The following HCFC1 variants were observed in gnomAD, a reference collection of about 807,000 sequenced individuals.
HCFC1 encodes the protein host cell factor C1.
In HCFC1, 7 loss-of-function variants were observed where a neutral mutation model predicts 105.5. The observed-to-expected ratio is 0.07, with a 90% CI of 0.04 to 0.12. HCFC1 has a LOEUF of 0.12. Among genes scored for constraint, HCFC1 ranks in the 10% least tolerant of loss-of-function variants. The probability of loss-of-function intolerance (pLI) is 1.00; values close to 1 mark genes in which losing one functional copy is unlikely to be tolerated. For synonymous variants in HCFC1, 918 were observed against 828.1 expected (o/e 1.11, Z -1.86); for missense variants, 1,065 against 1,823.6 (o/e 0.58, Z 7.58).
chrX:153,963,315 A>G lies in HCFC1; in HGVS notation c.622T>C (p.Tyr208His). 5.0e-6 allele frequency: 6 copies of G among 1,209,781 alleles called. No homozygotes were observed. The highest frequency in any genetic ancestry group is 1.1e-6 in the Non-Finnish European group (1 of 893,565). ...GACTTCTTATTGTCTTTTTCGGTGTAGACCACGGCAGTATGTGACTCCCGG... is the reference window on the plus strand; with the variant it reads ...GACTTCTTATTGTCTTTTTCGGTGTGGACCACGGCAGTATGTGACTCCCGG... ...PPRESHTAVV[Y>H]TEKDNKKSKL... is the part of the protein sequence containing the mutation. The change falls in exon 4 of 26, where the codon TAC (tyrosine) becomes CAC (histidine). Residue 208 changes from tyrosine to histidine, a missense_variant. By Grantham distance (83) the Tyr-to-His change is moderately conservative (BLOSUM62 2). Transcript: ENST00000310441.
At position 153,949,586 on chromosome X, in the gene HCFC1, G is replaced by C; in HGVS notation, c.6035C>G (p.Pro2012Arg). ...ETSKDSSGTK[P>R]ANKRPMSSPE... Reference sequence around the variant, plus strand: ...AGAGGACATGGGCCGCTTGTTGGCTGGCTTGGTGCCAGAGCTGTCTTTACT... The same window carrying C: ...AGAGGACATGGGCCGCTTGTTGGCTCGCTTGGTGCCAGAGCTGTCTTTACT... The change falls in exon 25 of 26, where the codon CCA (proline) becomes CGA (arginine). Residue 2012 changes from proline to arginine, a missense_variant. By Grantham distance (103) the Pro-to-Arg change is moderately radical. This residue lies in a region of HCFC1 where 18 missense variants were observed against 28.8 expected (regional missense o/e 0.62). Coordinates refer to ENST00000310441, the MANE Select transcript of HCFC1 (RefSeq NM_005334.3). 8.3e-7 allele frequency: 1 copy of C among 1,211,150 alleles called. No homozygotes were observed. Among genetic ancestry groups the C allele is most frequent in the Non-Finnish European group, 1.1e-6 (1 of 894,792 alleles).
Position 153,948,165 on chromosome X carries a change from G to C in HCFC1, c.*1182C>G, listed in dbSNP as rs1557111438. The C allele has an allele frequency of 8.9e-6, 1 of 112,383 alleles. No homozygotes were observed. The highest frequency in any genetic ancestry group is 3.2e-5 in the African/African-American group (1 of 30,892). 9.3% of individuals were successfully genotyped at this position (112,383 alleles called of 1,213,427 possible). A position where few individuals can be genotyped will look rare whatever the true frequency, so the allele number is the denominator to read the frequency against. The stretch of plus-strand genomic sequence containing the variant: ...AACCAGCAGCCCTGTTTGGGAGGCG[G>C]TGCCGGTGGTGCTCAGGGAGGGGGC... On this transcript the variant is annotated 3_prime_UTR_variant, in exon 26 of 26. Transcript: ENST00000310441.
rs1557113064 is a variant in HCFC1, at chrX:153,952,899, A to G, written c.4557T>C (p.Leu1519=). The part of the protein sequence containing the change: ...GPRQQLPPRQ[L]LQSASTALMG... ...TCAGGGCTGTGGAAGCCGACTGCAGAAGCTGCCGTGGCGGCAGCTGCTGGC... is the reference window on the plus strand; with the variant it reads ...TCAGGGCTGTGGAAGCCGACTGCAGGAGCTGCCGTGGCGGCAGCTGCTGGC... The change falls in exon 19 of 26, where the codon CTT becomes CTC. Residue 1519 remains leucine (L), a synonymous_variant. Coordinates refer to ENST00000310441, the MANE Select transcript of HCFC1 (RefSeq NM_005334.3). 2.5e-6 allele frequency: 3 copies of G among 1,181,629 alleles called. No homozygotes were observed. The highest frequency in any genetic ancestry group is 3.4e-6 in the Non-Finnish European group (3 of 881,186).
chrX:153,968,586 A>G (rs1245489964), intron 1 of HCFC1, among the ~76,000 whole-genome samples: 1 of 112,468 alleles, frequency 8.9e-6, no homozygotes, highest in African/African-American at 3.2e-5. Flanking sequence ...AGCCCTTTGG[A>G]AGGCAGGCTA....
In HCFC1 at chrX:153,950,424, G is replaced by A. The variant is rs1000069168; in HGVS notation, c.5823C>T (p.Ser1941=). 2 of 1,208,137 alleles carry A rather than the reference G, an allele frequency of 1.7e-6. No individual in the cohort carries two copies. The highest frequency in any genetic ancestry group is 1.7e-5 in the African/African-American group (1 of 57,432). ...GCATGAAGGCCAGCTGGGCCGGGGT[G>A]GAGCTCTTGAGCTCGCCCCCAGCCT... is the stretch of plus-strand genomic sequence containing the variant. The part of the protein sequence containing the change: ...SSQAGGELKS[S]TPAQLAFMRV... Residue 1941 remains serine, a synonymous_variant, in exon 24 of 26, where the codon TCC becomes TCT. Coordinates refer to ENST00000310441, the MANE Select transcript of HCFC1 (RefSeq NM_005334.3).
intron 18 of HCFC1, 73 bp from the exon 19 acceptor site, chrX:153,953,031 C>T (rs1311484359): frequency 1.0e-5 from 9 of 885,706 alleles, no homozygotes; most frequent in African/African-American, 9.9e-5. Context: ...TTATTTTGGC[C>T]GGGATGGGGA....
In HCFC1 at chrX:153,954,257, G is replaced by A. The variant is rs782444900; in HGVS notation, c.4142C>T (p.Thr1381Ile). The A allele has an allele frequency of 7.5e-6, 9 of 1,203,718 alleles. No homozygotes were observed. In the African/African-American group the frequency reaches 1.2e-4, roughly 16 times the overall value. ...AGACTCCACGGTCCTGTGGGAAGAAGTGGCGTCGGGAAGCAGGGCACCCAC... is the reference window on the plus strand; with the variant it reads ...AGACTCCACGGTCCTGTGGGAAGAAATGGCGTCGGGAAGCAGGGCACCCAC... ...VSVGALLPDA[T>I]SSHRTVESGL... Residue 1381 changes from threonine (T) to isoleucine (I), a missense_variant, in exon 17 of 26, where the codon ACT (threonine) becomes ATT (isoleucine). Transcript: ENST00000310441.
Position 153,954,704 on chromosome X carries a change from C to T in HCFC1, c.3695G>A (p.Arg1232His), listed in dbSNP as rs201578135. The change falls in exon 17 of 26, where the codon CGC (arginine) becomes CAC (histidine). Residue 1232 changes from arginine to histidine, a missense_variant. By Grantham distance (29) the Arg-to-His change is conservative (BLOSUM62 0). This residue lies in a region of HCFC1 where 546 missense variants were observed against 599.9 expected (regional missense o/e 0.91). Coordinates refer to ENST00000310441, the MANE Select transcript of HCFC1 (RefSeq NM_005334.3). The stretch of plus-strand genomic sequence containing the variant: ...AGCGGTGCTGACCGCATGGCTGTGG[C>T]GCCCCGCAGGAAGGTCCTTAATGCT... The part of the protein sequence containing the change: ...SPSIKDLPAG[R>H]HSHAVSTAAM... 3.3e-5 allele frequency: 40 copies of T among 1,194,780 alleles called. No individual in the cohort carries two copies. The African/African-American group carries it at 5.4e-4, about 16-fold the overall frequency.
In HCFC1 at chrX:153,954,700, G is replaced by A. The variant is rs782515282; in HGVS notation, c.3699C>T (p.His1233=). 4 of 1,198,708 alleles carry A rather than the reference G, an allele frequency of 3.3e-6. No individual in the cohort carries two copies. Among genetic ancestry groups the A allele is most frequent in the Admixed American group, 2.3e-5 (1 of 43,914 alleles). The change falls in exon 17 of 26, where the codon CAC becomes CAT. Residue 1233 remains histidine, a synonymous_variant. Coordinates refer to ENST00000310441, the MANE Select transcript of HCFC1 (RefSeq NM_005334.3). The part of the protein sequence containing the change: ...PSIKDLPAGR[H]SHAVSTAAMT... ...TGGCAGCGGTGCTGACCGCATGGCT[G>A]TGGCGCCCCGCAGGAAGGTCCTTAA...
intron 5 of HCFC1, 70 bp from the exon 6 acceptor site, chrX:153,961,718 C>A: frequency 2.6e-6 from 2 of 782,103 alleles, no homozygotes; most frequent in Non-Finnish European, 3.9e-6. Flanking sequence ...ACCTCTGCTA[C>A]CCCAGTTCTA....
At chrX:153,949,639 G>T (rs782373042) in intron 24 of HCFC1, 23 bp from the exon 25 acceptor site, 23 of 1,176,902 alleles carry the variant, frequency 2.0e-5, no homozygotes, top group Non-Finnish European at 2.4e-5. Context: ...GGAGAGATGC[G>T]TGAGCAGCAT....
At chrX:153,960,463 C>T (rs781925948) in intron 6 of HCFC1, 49 bp from the exon 7 acceptor site, 3 of 981,436 alleles carry the variant, frequency 3.1e-6, no homozygotes, top group African/African-American at 3.8e-5. Flanking sequence ...GGAGGAAACC[C>T]GCCACCCCTG....
intron 5 of HCFC1, 122 bp downstream of exon 5, chrX:153,962,099 AG>A: frequency 1.9e-6 from 1 of 516,545 alleles, no homozygotes; most frequent in Non-Finnish European, 3.3e-6. Flanking sequence ...GCCAAATGCC[AG>A]CCCAGCCAGA....
chrX:153,959,614 C>T (rs2065410163), intron 8 of HCFC1, 123 bp from the exon 9 acceptor site: 1 of 976,623 alleles, frequency 1.0e-6, no homozygotes, highest in South Asian at 2.2e-5. Context: ...CTTCTCTGTG[C>T]CCTGAGAGTG....
chrX:153,971,508 C>G lies in HCFC1; in HGVS notation c.-668G>C. On this transcript the variant is annotated 5_prime_UTR_variant, in exon 1 of 26. Transcript: ENST00000310441. ...TCGAGGGCCGTTTGGGGGCTCGCGC[C>G]GTACGGCTTGTGAAGTCTCGCGCCT... is the stretch of plus-strand genomic sequence containing the variant. 3.4e-6 allele frequency: 1 copy of G among 292,891 alleles called. No homozygotes were observed. The highest frequency in any genetic ancestry group is 4.8e-5 in the East Asian group (1 of 20,740). The allele number at this position is 292,891 out of a possible 1,213,427, so 24.1% of individuals were successfully genotyped here. A position where few individuals can be genotyped will look rare whatever the true frequency, so the allele number is the denominator to read the frequency against.
Position 153,953,152 on chromosome X carries a change from C to G in HCFC1, c.4498-194G>C. On this transcript the variant is annotated intron_variant, in intron 18 of 25. Coordinates refer to ENST00000310441, the MANE Select transcript of HCFC1 (RefSeq NM_005334.3). Reference sequence around the variant, plus strand: ...GAGGGGCCAGAGCCAGGCAGCAGGGCTGAGAAGCAAGCCAGCCCTCACCTT... The same window carrying G: ...GAGGGGCCAGAGCCAGGCAGCAGGGGTGAGAAGCAAGCCAGCCCTCACCTT... The G allele has an allele frequency of 8.6e-6, 4 of 465,127 alleles. No individual in the cohort carries two copies. The Admixed American group carries it at 1.3e-4, about 16-fold the overall frequency. 38.3% of individuals were successfully genotyped at this position (465,127 alleles called of 1,213,427 possible). A position where few individuals can be genotyped will look rare whatever the true frequency, so the allele number is the denominator to read the frequency against.
At chrX:153,970,585 G>T in intron 1 of HCFC1, 63 bp downstream of exon 1, 1 of 813,289 alleles carries the variant, frequency 1.2e-6, no homozygotes, top group Non-Finnish European at 1.8e-6. Context: ...GGAGGAAAGA[G>T]GAGGGAGAGG....
At position 153,953,853 on chromosome X, in the gene HCFC1, C is replaced by G. The variant is rs1211289865; in HGVS notation, c.4334-83G>C. On this transcript the variant is annotated intron_variant, in intron 17 of 25. Transcript: ENST00000310441. ...CTTGACCACCACAGGCTTCCTCTAC[C>G]ACCAAGGGGAGGGCCAGATAAGGCA... is the stretch of plus-strand genomic sequence containing the variant. 6.8e-6 allele frequency: 7 copies of G among 1,030,867 alleles called. No homozygotes were observed. In the African/African-American group the frequency reaches 1.3e-4, roughly 19 times the overall value. The allele number at this position is 1,030,867 out of a possible 1,213,427, so 85.0% of individuals were successfully genotyped here.
At chrX:153,959,551 T>G in intron 8 of HCFC1, 60 bp from the exon 9 acceptor site, 10 of 1,171,624 alleles carry the variant, frequency 8.5e-6, no homozygotes, top group South Asian at 1.8e-5. Flanking sequence ...CCCAGCCCCT[T>G]TGCAGGCAGC....
Sources: allele counts gnomAD v4.1 joint callset (sites outside exome capture counted in the v4.1 genomes callset), GRCh38; gene constraint gnomAD v4.1.1; regional missense constraint gnomAD v4.1.1; transcripts MANE v1.5; gene names NCBI Gene and HGNC (gene_info 2026-07-23, HGNC 2026-07-21).